Variants in ANK2 observed in about 807,000 individuals in gnomAD.
ANK2 encodes the protein ankyrin 2, also known as ankyrin-2.
ANK2 carries 83 observed loss-of-function variants against 360.5 expected under a neutral mutation model. The observed-to-expected ratio is 0.23, with a 90% confidence interval of 0.19 to 0.28. The LOEUF (loss-of-function observed/expected upper bound fraction) is 0.28. Ranked by LOEUF, ANK2 falls within the 10% of genes least tolerant of loss-of-function variation. The pLI, the probability that ANK2 is intolerant of heterozygous loss-of-function variation, is 1.00. For missense variants in ANK2, 4,201 were observed against 4,795.7 expected, an observed-to-expected ratio of 0.88 and a Z score of 3.66; for synonymous variants, 1,740 against 1,759.5, an observed-to-expected ratio of 0.99 and a Z score of 0.28.
chr4:113,098,319 A>G (rs36038625), intron 1 of ANK2, among the ~76,000 whole-genome samples: 29,200 of 151,908 alleles, frequency 0.19, 3,703 homozygotes, highest in Non-Finnish European at 0.29. Flanking sequence ...TCAAACTAAC[A>G]AAGAAAAGAA....
At chr4:113,031,641 A>G (rs1255540795) in intron 2 of ANK2, among the ~76,000 whole-genome samples, 1 of 148,964 alleles carries the variant, frequency 6.7e-6, no homozygotes, top group African/African-American at 2.5e-5. Context: ...CCTTAAGTAG[A>G]CCAGTGGTTT....
chr4:113,309,603 C>T (rs564599779), intron 23 of ANK2, among the ~76,000 whole-genome samples: 24 of 152,176 alleles, frequency 1.6e-4, no homozygotes, highest in African/African-American at 4.1e-4. Flanking sequence ...ACTGTAGCCT[C>T]GACTTCCTGG....
At chr4:113,273,795 G>GT (rs2059321234) in intron 14 of ANK2, among the ~76,000 whole-genome samples, 1 of 152,194 alleles carries the variant, frequency 6.6e-6, no homozygotes, top group Non-Finnish European at 1.5e-5. Context: ...TATATCCTCT[G>GT]TTTTTAATGG....
chr4:113,332,860 C>A, intron 28 of ANK2, 194 bp from the exon 29 acceptor site: 1 of 678,904 alleles, frequency 1.5e-6, no homozygotes, highest in Non-Finnish European at 2.5e-6. Flanking sequence ...CAGCATGTAC[C>A]TGAGGATTGG....
At chr4:112,905,499 G>A (rs1040768937) in intron 2 of ANK2, among the ~76,000 whole-genome samples, 13 of 152,118 alleles carry the variant, frequency 8.5e-5, no homozygotes, top group African/African-American at 2.9e-4. Flanking sequence ...TAAGATAAAA[G>A]GAGTGGGGAA....
the ANK2 span, among the ~76,000 whole-genome samples, chr4:112,733,146 G>A: frequency 6.6e-6 from 1 of 152,124 alleles, no homozygotes; most frequent in Non-Finnish European, 1.5e-5. Context: ...AACCCGGCAG[G>A]TGGAGGTTGC....
intron 1 of ANK2, among the ~76,000 whole-genome samples, chr4:113,112,838 C>G (rs2094437498): frequency 6.6e-6 from 1 of 152,154 alleles, no homozygotes; most frequent in Non-Finnish European, 1.5e-5. Context: ...TGTTTCCTTT[C>G]CTCAGGCAGG....
intron 2 of ANK2, among the ~76,000 whole-genome samples, chr4:112,957,390 A>G (rs1343806598): frequency 6.6e-6 from 1 of 152,196 alleles, no homozygotes; most frequent in Non-Finnish European, 1.5e-5. Flanking sequence ...ACAGAACAAA[A>G]TGAAAAGTCT....
chr4:112,921,077 G>T (rs2091357061), intron 2 of ANK2, among the ~76,000 whole-genome samples: 1 of 148,820 alleles, frequency 6.7e-6, no homozygotes, highest in Non-Finnish European at 1.5e-5. Context: ...TTTGAGGCAG[G>T]GTTTCGCTGT....
the ANK2 span, among the ~76,000 whole-genome samples, chr4:112,753,109 C>G: frequency 3.3e-5 from 5 of 152,336 alleles, no homozygotes; most frequent in African/African-American, 9.6e-5. Flanking sequence ...TTTCCTCGAG[C>G]CTCAGGCCAT....
At chr4:112,811,125 G>T in the ANK2 span, among the ~76,000 whole-genome samples, 8 of 151,422 alleles carry the variant, frequency 5.3e-5, no homozygotes, top group Admixed American at 2.6e-4. Flanking sequence ...TTTTAGTAGC[G>T]ATGGGGTTTC....
chr4:112,706,951 G>GT, the ANK2 span: 1 of 152,076 alleles, frequency 6.6e-6, no homozygotes. Flanking sequence ...CTGTGATTTG[G>GT]TATCTAGATT....
intron 23 of ANK2, among the ~76,000 whole-genome samples, chr4:113,305,633 T>G (rs1308038585): frequency 6.6e-6 from 1 of 152,186 alleles, no homozygotes; most frequent in Non-Finnish European, 1.5e-5. Flanking sequence ...AACTTTTTCA[T>G]GGAAAAAATT....
the ANK2 span, among the ~76,000 whole-genome samples, chr4:112,808,696 A>G: frequency 7.9e-5 from 12 of 152,200 alleles, no homozygotes; most frequent in Admixed American, 6.5e-4. Flanking sequence ...TTTGAAAATT[A>G]GAAAGAGAAG....
At chr4:113,164,171 G>C (rs896930119) in intron 1 of ANK2, among the ~76,000 whole-genome samples, 1 of 152,184 alleles carries the variant, frequency 6.6e-6, no homozygotes, top group Non-Finnish European at 1.5e-5. Flanking sequence ...AGGCCAAGGC[G>C]GGAGATATTT....
At chr4:113,203,639 A>G (rs1210897425) in intron 4 of ANK2, among the ~76,000 whole-genome samples, 1 of 152,184 alleles carries the variant, frequency 6.6e-6, no homozygotes, top group African/African-American at 2.4e-5. Context: ...AACAGTAGAC[A>G]TTAATATTAA....
At chr4:112,905,130 C>T (rs576015147) in intron 2 of ANK2, among the ~76,000 whole-genome samples, 196 of 152,146 alleles carry the variant, frequency 1.3e-3, no homozygotes, top group Non-Finnish European at 2.3e-3. Flanking sequence ...ATTTTTAAGT[C>T]GTGAATCTCA....
At chr4:113,140,425 TTAA>T (rs2096595380) in intron 1 of ANK2, among the ~76,000 whole-genome samples, 1 of 152,194 alleles carries the variant, frequency 6.6e-6, no homozygotes, top group Non-Finnish European at 1.5e-5. Flanking sequence ...ATCTTACATA[TTAA>T]TGATGATCTG....
At chr4:113,252,170 A>G (rs769394248) in intron 10 of ANK2, among the ~76,000 whole-genome samples, 25 of 152,224 alleles carry the variant, frequency 1.6e-4, no homozygotes, top group Non-Finnish European at 2.9e-4. Context: ...GAAAATGAAA[A>G]CCCAGTGAAA....
Sources: gnomAD v4.1 joint callset for allele counts (sites outside exome capture counted in the v4.1 genomes callset) on GRCh38, gnomAD v4.1.1 for gene constraint, MANE v1.5 for transcripts, NCBI Gene and HGNC (gene_info 2026-07-23, HGNC 2026-07-21) for gene names.